The following ZRANB3 variants were observed in gnomAD, a reference collection of about 807,000 sequenced individuals.
The protein encoded by ZRANB3 is DNA annealing helicase and endonuclease ZRANB3.
ZRANB3 carries 125 observed loss-of-function variants against 133.8 expected under a neutral mutation model. The ratio of observed to expected loss-of-function variants is 0.93; its 90% CI spans 0.81 to 1.08. The LOEUF is 1.08. Among genes scored for constraint, ZRANB3 ranks in the 50% least tolerant of loss-of-function variants. ZRANB3 has a pLI of 0.00. For missense variants in ZRANB3, 1,229 were observed against 1,275.5 expected (o/e 0.96, Z 0.56); for synonymous variants, 387 against 432.7 (o/e 0.89, Z 1.31).
intron 8 of ZRANB3, among the ~76,000 whole-genome samples, chr2:135,284,579 C>T (rs1681257331): frequency 6.6e-6 from 1 of 152,236 alleles, no homozygotes; most frequent in Non-Finnish European, 1.5e-5. Context: ...TCACGCCATT[C>T]TCCTGCCTCA....
intron 2 of ZRANB3, among the ~76,000 whole-genome samples, chr2:135,414,410 T>C (rs1688456823): frequency 6.6e-6 from 1 of 152,202 alleles, no homozygotes; most frequent in South Asian, 2.1e-4. Flanking sequence ...CTAACTATCC[T>C]AAATATATAT....
At chr2:135,494,613 C>T (rs1559036769) in intron 2 of ZRANB3, among the ~76,000 whole-genome samples, 1 of 152,104 alleles carries the variant, frequency 6.6e-6, no homozygotes, top group Non-Finnish European at 1.5e-5. Context: ...AGTAACTATA[C>T]AGTGAAACTG....
chr2:135,231,737 G>C (rs1364796887), intron 12 of ZRANB3, among the ~76,000 whole-genome samples: 1 of 152,102 alleles, frequency 6.6e-6, no homozygotes, highest in Non-Finnish European at 1.5e-5. Context: ...ACAGTGAGCT[G>C]TGATTGTGCC....
chr2:135,207,557 A>G lies in ZRANB3; in HGVS notation c.2886T>C (p.His962=). The G allele has an allele frequency of 1.9e-6, 3 of 1,614,034 alleles. No individual in the cohort carries two copies. The highest frequency in any genetic ancestry group is 2.5e-6 in the Non-Finnish European group (3 of 1,179,904). ...YLRAKVFETE[H]GVCQLCNVNA... ...TCACATTACAGAGCTGACACACACC[A>G]TGTTCAGTTTCAAATACTTTGGCTC... Residue 962 remains histidine, a synonymous_variant, in exon 19 of 21, where the codon CAT becomes CAC. Transcript: ENST00000264159.
intron 2 of ZRANB3, among the ~76,000 whole-genome samples, chr2:135,426,849 AAAAAAAAAAAAAAAATATATATATATAT>A (rs1396613359): frequency 1.7e-5 from 1 of 59,286 alleles, no homozygotes; most frequent in African/African-American, 9.4e-5. Flanking sequence ...AAAAAAAAAA[AAAAAAAAAAAAAAAATATATATATATAT>A]ATATATATAT....
At position 135,217,582 on chromosome 2, in the gene ZRANB3, C is replaced by T; in HGVS notation, c.2378G>A (p.Ser793Asn). Residue 793 changes from serine (S) to asparagine (N), a missense_variant, in exon 17 of 21, where the codon AGT becomes AAT. By Grantham distance (46) the Ser-to-Asn change is conservative. Transcript: ENST00000264159. ...CCTTTGCTTCATGGCAGTTAGACTA[C>T]TCCATTCTCGAACAAATCTCAAAAT... ...SLILRFVREW[S>N]SLTAMKQRII... is the part of the protein sequence containing the mutation. 1 of 1,612,818 alleles carries T rather than the reference C, an allele frequency of 6.2e-7. No individual in the cohort carries two copies. Among genetic ancestry groups the T allele is most frequent in the Non-Finnish European group, 8.5e-7 (1 of 1,179,630 alleles).
chr2:135,505,763 T>G (rs1302882190), intron 1 of ZRANB3, among the ~76,000 whole-genome samples: 1 of 152,118 alleles, frequency 6.6e-6, no homozygotes, highest in Non-Finnish European at 1.5e-5. Context: ...ACCCACGCAC[T>G]CGTAGGGTTT....
Position 135,531,201 on chromosome 2 carries a change from T to G in ZRANB3, c.-82A>C, listed in dbSNP as rs1245056208. 6.6e-6 allele frequency: 1 copy of G among 152,222 alleles called. No individual in the cohort carries two copies. The highest frequency in any genetic ancestry group is 2.4e-5 in the African/African-American group (1 of 41,432). The allele number at this position is 152,222 out of a possible 1,614,324, so 9.4% of individuals were successfully genotyped here. ...TGGGAAAAGGTAGCTCTTTTACAAG[T>G]GGGCAAAATGGCTGTCCTCCTAGTT... On this transcript the variant is annotated 5_prime_UTR_variant, in exon 1 of 21. Transcript: ENST00000264159.
At chr2:135,455,564 A>G (rs1690474285) in intron 2 of ZRANB3, among the ~76,000 whole-genome samples, 1 of 140,994 alleles carries the variant, frequency 7.1e-6, no homozygotes, top group Non-Finnish European at 1.5e-5. Flanking sequence ...CCATACTACT[A>G]CTGAGGCCAA....
rs576046254 is a variant in ZRANB3 at position 135,212,710 on chromosome 2, T to C, written c.2496-3732A>G. ...ATTTTAGTAAATAGAGAAGGGAGAA[T>C]GTTGTCTACTAAACAAATTCCTGGA... On this transcript the variant is annotated intron_variant, in intron 17 of 20. Transcript: ENST00000264159. Among the ~76,000 whole-genome samples the C allele has an allele frequency of 2.0e-5, 3 of 152,280 alleles. No homozygotes were observed. In the South Asian group the frequency reaches 6.2e-4, roughly 32 times the overall value.
intron 8 of ZRANB3, among the ~76,000 whole-genome samples, chr2:135,305,039 C>T (rs919604590): frequency 3.9e-5 from 6 of 151,988 alleles, no homozygotes; most frequent in African/African-American, 7.2e-5. Context: ...TGCAGTGGTG[C>T]GATCTCGGCT....
At chr2:135,483,564 G>C (rs542552406) in intron 2 of ZRANB3, among the ~76,000 whole-genome samples, 60 of 152,048 alleles carry the variant, frequency 3.9e-4, no homozygotes, top group African/African-American at 1.4e-3. Flanking sequence ...CAAAAAACCA[G>C]CTCCTGGATT....
intron 2 of ZRANB3, among the ~76,000 whole-genome samples, chr2:135,421,586 A>G (rs146876439): frequency 6.6e-6 from 1 of 152,208 alleles, no homozygotes; most frequent in African/African-American, 2.4e-5. Context: ...TCCCTCTTCC[A>G]GATTTCCAAC....
chr2:135,387,460 A>G (rs189331393), intron 3 of ZRANB3, among the ~76,000 whole-genome samples: 1 of 152,326 alleles, frequency 6.6e-6, no homozygotes, highest in Non-Finnish European at 1.5e-5. Context: ...TGGCATGGTA[A>G]GATTCCATAA....
At chr2:135,362,545 T>G (rs1685741999) in intron 3 of ZRANB3, among the ~76,000 whole-genome samples, 1 of 152,066 alleles carries the variant, frequency 6.6e-6, no homozygotes, top group Admixed American at 6.6e-5. Context: ...TTAAGTAGAG[T>G]TGTAGTCCAA....
chr2:135,477,211 A>T (rs1691541975), intron 2 of ZRANB3, among the ~76,000 whole-genome samples: 1 of 152,228 alleles, frequency 6.6e-6, no homozygotes, highest in Non-Finnish European at 1.5e-5. Flanking sequence ...GGGAGAAAGA[A>T]GGATGGATAT....
At chr2:135,390,724 G>C in intron 3 of ZRANB3, 78 bp downstream of exon 3, 1 of 1,474,580 alleles carries the variant, frequency 6.8e-7, no homozygotes, top group Non-Finnish European at 9.1e-7. Flanking sequence ...TATGGAGAAA[G>C]AGTACATGGA....
chr2:135,482,733 G>A (rs1284938456), intron 2 of ZRANB3, among the ~76,000 whole-genome samples: 1 of 152,194 alleles, frequency 6.6e-6, no homozygotes, highest in African/African-American at 2.4e-5. Flanking sequence ...TGCCCATTCA[G>A]TATGATACTG....
At chr2:135,248,967 A>C (rs1275649925) in intron 12 of ZRANB3, among the ~76,000 whole-genome samples, 3 of 152,228 alleles carry the variant, frequency 2.0e-5, no homozygotes, top group African/African-American at 4.8e-5. Context: ...TCAAAAGAAG[A>C]CATATATGCG....
Sources: gnomAD v4.1 joint callset for allele counts (sites outside exome capture counted in the v4.1 genomes callset) on GRCh38, gnomAD v4.1.1 for gene constraint, MANE v1.5 for transcripts, NCBI Gene and HGNC (gene_info 2026-07-23, HGNC 2026-07-21) for gene names.